Variants in COG5 observed in about 807,000 individuals in gnomAD.
COG5 encodes the protein component of oligomeric golgi complex 5.
COG5 carries 86 observed loss-of-function variants against 110.4 expected under a neutral mutation model. That is an observed-to-expected ratio of 0.78 (90% CI 0.65 to 0.93). COG5 has a LOEUF of 0.93. Among genes scored for constraint, COG5 ranks in the 40% least tolerant of loss-of-function variants. The pLI, the probability that COG5 is intolerant of heterozygous loss-of-function variation, is 0.00. For synonymous variants in COG5, 360 were observed against 334.6 expected, an observed-to-expected ratio of 1.08 and a Z score of -0.83; for missense variants, 1,077 against 987.0, an observed-to-expected ratio of 1.09 and a Z score of -1.22.
At chr7:107,225,038 G>C (rs1192176183) in intron 19 of COG5, among the ~76,000 whole-genome samples, 1 of 152,256 alleles carries the variant, frequency 6.6e-6, no homozygotes, top group Non-Finnish European at 1.5e-5. Flanking sequence ...AGGCCTGTGT[G>C]TGTGTATGTA....
chr7:107,559,112 C>A (rs1194823401), intron 1 of COG5, among the ~76,000 whole-genome samples: 1 of 151,568 alleles, frequency 6.6e-6, no homozygotes, highest in Non-Finnish European at 1.5e-5. Context: ...ATTTTAGTAA[C>A]AATAGGAAAT....
chr7:107,440,313 C>T (rs1794631307), intron 6 of COG5, among the ~76,000 whole-genome samples: 1 of 151,882 alleles, frequency 6.6e-6, no homozygotes, highest in African/African-American at 2.4e-5. Context: ...TTCTCAACAC[C>T]TCAGCAGAAA....
chr7:107,514,465 T>C (rs1260331706), intron 6 of COG5, among the ~76,000 whole-genome samples: 1 of 152,192 alleles, frequency 6.6e-6, no homozygotes, highest in Non-Finnish European at 1.5e-5. Flanking sequence ...ACCTATTTTG[T>C]ATAAAGTATT....
intron 14 of COG5, among the ~76,000 whole-genome samples, chr7:107,271,516 C>A (rs568168950): frequency 6.6e-6 from 1 of 151,998 alleles, no homozygotes; most frequent in South Asian, 2.1e-4. Flanking sequence ...CCAAATTATT[C>A]CTAGAATTTG....
At chr7:107,534,277 G>C (rs1255973693) in intron 5 of COG5, among the ~76,000 whole-genome samples, 1 of 151,486 alleles carries the variant, frequency 6.6e-6, no homozygotes, top group Non-Finnish European at 1.5e-5. Flanking sequence ...AAAATAACAA[G>C]CTAGCATCAT....
intron 7 of COG5, among the ~76,000 whole-genome samples, chr7:107,375,201 AGTT>A (rs1485268286): frequency 2.0e-5 from 3 of 152,020 alleles, no homozygotes; most frequent in Admixed American, 6.6e-5. Flanking sequence ...ATGCAGCAGT[AGTT>A]GATTCATTTC....
rs530460079 is a variant in COG5, at chr7:107,460,596, A to G, written c.539-47964T>C. Reference sequence around the variant, plus strand: ...CTTTTACCAAAGTAGAGAAGAAAGGAAATACTAAAGAGTAGAAATCAATAA... The same window carrying G: ...CTTTTACCAAAGTAGAGAAGAAAGGGAATACTAAAGAGTAGAAATCAATAA... On this transcript the variant is annotated intron_variant, in intron 6 of 21. Transcript: ENST00000297135. Among the ~76,000 whole-genome samples the G allele has an allele frequency of 1.3e-3, 199 of 152,274 alleles. 1 individual carries two copies. The highest frequency in any genetic ancestry group is 2.4e-3 in the Non-Finnish European group (165 of 68,006).
intron 6 of COG5, among the ~76,000 whole-genome samples, chr7:107,513,985 A>C (rs1799732522): frequency 6.6e-6 from 1 of 152,098 alleles, no homozygotes; most frequent in Non-Finnish European, 1.5e-5. Flanking sequence ...CCAACATGGC[A>C]CATGTATACA....
intron 7 of COG5, among the ~76,000 whole-genome samples, chr7:107,376,004 A>G (rs1371316578): frequency 6.6e-6 from 1 of 152,012 alleles, no homozygotes; most frequent in African/African-American, 2.4e-5. Flanking sequence ...TACAATGTGA[A>G]ATAGGAGTCA....
chr7:107,417,598 T>TATCAAG (rs1379934031), intron 6 of COG5, among the ~76,000 whole-genome samples: 1 of 152,178 alleles, frequency 6.6e-6, no homozygotes, highest in East Asian at 1.9e-4. Context: ...AAGTAACACG[T>TATCAAG]TAGCTTCTTG....
In COG5 at chr7:107,236,199, T is replaced by G. The variant is rs62483633; in HGVS notation, c.2091+251A>C. Among the ~76,000 whole-genome samples, 29,375 of 152,192 alleles carry G rather than the reference T, an allele frequency of 0.19. 3,379 individuals are homozygous for G. The highest frequency in any genetic ancestry group is 0.32 in the East Asian group (1,640 of 5,180). ...TGGGAAGTGCTGCTTTCCTGTGGAA[T>G]GAGCTATTTCACCTTAACCTTGAAA... is the stretch of plus-strand genomic sequence containing the variant. On this transcript the variant is annotated intron_variant, in intron 18 of 21. Coordinates refer to ENST00000297135, the MANE Select transcript of COG5 (RefSeq NM_006348.5).
intron 10 of COG5, among the ~76,000 whole-genome samples, chr7:107,347,243 G>A (rs553421303): frequency 6.6e-6 from 1 of 152,232 alleles, no homozygotes; most frequent in Non-Finnish European, 1.5e-5. Context: ...GGAAAAAACT[G>A]TTATACTTTG....
chr7:107,514,329 TACAC>T (rs61351697), intron 6 of COG5, among the ~76,000 whole-genome samples: 31,783 of 145,512 alleles, frequency 0.22, 3,570 homozygotes, highest in Admixed American at 0.35. Context: ...TGGCCTATTT[TACAC>T]ACACACACAC....
chr7:107,421,113 T>G (rs540634792), intron 6 of COG5, among the ~76,000 whole-genome samples: 1 of 152,314 alleles, frequency 6.6e-6, no homozygotes, highest in East Asian at 1.9e-4. Flanking sequence ...CTGGGCACCA[T>G]TTTTCCTTTT....
chr7:107,470,813 G>A (rs1204137541), intron 6 of COG5, among the ~76,000 whole-genome samples: 2 of 151,898 alleles, frequency 1.3e-5, no homozygotes, highest in East Asian at 1.9e-4. Context: ...TTTATGTTAA[G>A]TTTATTATTT....
chr7:107,228,059 G>T (rs1392965610), intron 19 of COG5, among the ~76,000 whole-genome samples: 1 of 152,106 alleles, frequency 6.6e-6, no homozygotes, highest in Non-Finnish European at 1.5e-5. Flanking sequence ...CAGCAGTCTG[G>T]GGGGCTGAGG....
chr7:107,437,990 A>C (rs74451547), intron 6 of COG5, among the ~76,000 whole-genome samples: 22,581 of 152,126 alleles, frequency 0.15, 2,103 homozygotes, highest in Non-Finnish European at 0.2. Context: ...GACTTATGGG[A>C]AAGTTTTACT....
intron 6 of COG5, among the ~76,000 whole-genome samples, chr7:107,482,206 A>T (rs191222684): frequency 1.1e-4 from 17 of 151,836 alleles, no homozygotes; most frequent in African/African-American, 3.9e-4. Flanking sequence ...CAGTGGTACA[A>T]TCATGGCTCA....
chr7:107,524,701 T>C (rs919260771), intron 6 of COG5, among the ~76,000 whole-genome samples: 14 of 152,336 alleles, frequency 9.2e-5, no homozygotes, highest in African/African-American at 3.1e-4. Context: ...ATGATGTCTT[T>C]GCAAATATTA....
Sources: gnomAD v4.1 joint callset for allele counts (sites outside exome capture counted in the v4.1 genomes callset) on GRCh38, gnomAD v4.1.1 for gene constraint, MANE v1.5 for transcripts, NCBI Gene and HGNC (gene_info 2026-07-23, HGNC 2026-07-21) for gene names.